CACNA1H: variants seen among roughly 807,000 people sequenced by gnomAD.
CACNA1H encodes voltage-dependent T-type calcium channel subunit alpha-1H.
CACNA1H carries 149 observed loss-of-function variants against 192.5 expected under a neutral mutation model. The ratio of observed to expected loss-of-function variants is 0.77; its 90% confidence interval spans 0.68 to 0.89. The LOEUF is 0.89. Among genes scored for constraint, CACNA1H ranks in the 40% least tolerant of loss-of-function variants. The pLI, the probability that CACNA1H is intolerant of heterozygous loss-of-function variation, is 0.00. For synonymous variants in CACNA1H, 2,202 were observed against 1,475.2 expected, an observed-to-expected ratio of 1.49 and a Z score of -11.29; for missense variants, 4,257 against 3,423.5, an observed-to-expected ratio of 1.24 and a Z score of -6.08.
intron 2 of CACNA1H, chr16:1,159,621 C>T (rs181484511): frequency 6.6e-6 from 1 of 152,358 alleles, no homozygotes; most frequent in East Asian, 1.9e-4. Flanking sequence ...CAACTGGCGT[C>T]ACAACTGCTC....
In CACNA1H at chr16:1,211,882, G is replaced by A. The variant is rs563493474; in HGVS notation, c.4567-64G>A. 4.7e-5 allele frequency: 75 copies of A among 1,610,286 alleles called. 1 individual carries two copies. In the South Asian group the frequency reaches 7.5e-4, roughly 16 times the overall value. The stretch of plus-strand genomic sequence containing the variant: ...TGCCTTGGCCTCTGGGGACTCGGGG[G>A]GCCATCCTGGGTAGGGCCCCTGGCG... On this transcript the variant is annotated intron_variant, in intron 24 of 34. Coordinates refer to ENST00000348261, the MANE Select transcript of CACNA1H (RefSeq NM_021098.3).
intron 12 of CACNA1H, 51 bp from the exon 13 acceptor site, chr16:1,206,950 C>T: frequency 1.9e-6 from 1 of 517,314 alleles, no homozygotes; most frequent in South Asian, 1.9e-5. Context: ...CCTTCTTCCG[C>T]TCAGCACACC....
At chr16:1,213,466 C>T (rs926582137) in intron 26 of CACNA1H, among the ~76,000 whole-genome samples, 54 of 152,118 alleles carry the variant, frequency 3.5e-4, no homozygotes, top group Admixed American at 2.3e-3. Flanking sequence ...GGCTGCCTGG[C>T]GCAACCGCGT....
At position 1,213,770 on chromosome 16, in the gene CACNA1H, C is replaced by G. The variant is rs746124764; in HGVS notation, c.4778-10C>G. ...CTCCTGCCCGGCGCTCATGGCCGCC[C>G]TCCCCGCAGAGGCCCAGCGCCGGCC... is the stretch of plus-strand genomic sequence containing the variant. On this transcript the variant is annotated splice_polypyrimidine_tract_variant and intron_variant, in intron 26 of 34. Transcript: ENST00000348261. 6.5e-7 allele frequency: 1 copy of G among 1,540,368 alleles called. No individual in the cohort carries two copies.
chr16:1,211,502 T>G lies in CACNA1H; in HGVS notation c.4372T>G (p.Tyr1458Asp). Residue 1458 changes from tyrosine (Y) to aspartate (D), a missense_variant, in exon 23 of 35, where the codon TAC (tyrosine) becomes GAC (aspartate). By Grantham distance (160) the Tyr-to-Asp change is radical (BLOSUM62 -3). Coordinates refer to ENST00000348261, the MANE Select transcript of CACNA1H (RefSeq NM_021098.3). ...TCAGCTCTTCAAAGGGAAGTTCTAC[T>G]ACTGCGAGGGCCCCGACACCAGGAA... ...GVQLFKGKFY[Y>D]CEGPDTRNIS... is the part of the protein sequence containing the mutation. 6.2e-7 allele frequency: 1 copy of G among 1,612,388 alleles called. No homozygotes were observed. Among genetic ancestry groups the G allele is most frequent in the East Asian group, 2.2e-5 (1 of 44,842 alleles).
intron 9 of CACNA1H, among the ~76,000 whole-genome samples, chr16:1,202,772 G>T (rs1011010492): frequency 5.3e-5 from 8 of 152,134 alleles, no homozygotes; most frequent in Admixed American, 4.6e-4. Context: ...CCCCGAGAGG[G>T]ACCGTATGCT....
At position 1,218,551 on chromosome 16, in the gene CACNA1H, C is replaced by T. The variant is rs747958775; in HGVS notation, c.5787C>T (p.Asn1929=). The T allele has an allele frequency of 2.4e-5, 38 of 1,561,430 alleles. No individual in the cohort carries two copies. The highest frequency in any genetic ancestry group is 3.1e-5 in the Non-Finnish European group (36 of 1,153,332). The change falls in exon 33 of 35, where the codon AAC becomes AAT. Residue 1929 remains asparagine (N), a synonymous_variant. Coordinates refer to ENST00000348261, the MANE Select transcript of CACNA1H (RefSeq NM_021098.3). ...VSVSRMLSLP[N]DSYMFRPVVP... ...TGTCCAGGATGCTCTCGCTGCCCAA[C>T]GACAGCTACATGTTCAGGCCCGTGG...
chr16:1,193,246 G>A (rs985307505), intron 2 of CACNA1H, among the ~76,000 whole-genome samples: 7 of 152,236 alleles, frequency 4.6e-5, no homozygotes, highest in African/African-American at 9.6e-5. Flanking sequence ...AGCCACCCCC[G>A]CAGAAAGGTG....
Position 1,219,056 on chromosome 16 carries a change from G to C in CACNA1H, c.5974G>C (p.Gly1992Arg), listed in dbSNP as rs558813483. The change falls in exon 34 of 35, where the codon GGC becomes CGC. Residue 1992 changes from glycine to arginine, a missense_variant. Physicochemically the swap from Gly to Arg is moderately radical, Grantham distance 125. Transcript: ENST00000348261. ...GGCTGTGTCGTCCCCAGCCAGGAGCGGCGAGCCCCTCCACGCCCTGTCCCC... is the reference window on the plus strand; with the variant it reads ...GGCTGTGTCGTCCCCAGCCAGGAGCCGCGAGCCCCTCCACGCCCTGTCCCC... ...PLAVSSPARS[G>R]EPLHALSPRG... The C allele has an allele frequency of 3.2e-6, 5 of 1,549,816 alleles. No individual in the cohort carries two copies. In the African/African-American group the frequency reaches 5.5e-5, roughly 17 times the overall value.
chr16:1,188,787 C>T (rs953379652), intron 2 of CACNA1H, among the ~76,000 whole-genome samples: 4 of 152,214 alleles, frequency 2.6e-5, no homozygotes, highest in Admixed American at 1.3e-4. Context: ...GCCGCTTCCT[C>T]GCCCCCTCCT....
intron 2 of CACNA1H, among the ~76,000 whole-genome samples, chr16:1,155,874 G>C (rs924595432): frequency 6.6e-6 from 1 of 152,176 alleles, no homozygotes; most frequent in Admixed American, 6.5e-5. Context: ...GCGGCATCAC[G>C]TGACCCAAGC....
intron 2 of CACNA1H, among the ~76,000 whole-genome samples, chr16:1,190,379 C>T (rs1966495375): frequency 6.6e-6 from 1 of 152,280 alleles, no homozygotes; most frequent in Non-Finnish European, 1.5e-5. Flanking sequence ...CCGGCAGACA[C>T]TGCCTGTCCT....
Position 1,195,422 on chromosome 16 carries a change from C to T in CACNA1H, c.412-10C>T, listed in dbSNP as rs922308053. ...TGTTCCACGGGCCCTCCTGATGCCT[C>T]CTCCCGCAGGCCTTTGACGCCTTCA... On this transcript the variant is annotated splice_polypyrimidine_tract_variant and intron_variant, in intron 3 of 34. Coordinates refer to ENST00000348261, the MANE Select transcript of CACNA1H (RefSeq NM_021098.3). 2.6e-6 allele frequency: 4 copies of T among 1,551,264 alleles called. No homozygotes were observed. The highest frequency in any genetic ancestry group is 2.7e-5 in the African/African-American group (2 of 73,126).
chr16:1,217,627 A>C (rs780243270), intron 31 of CACNA1H, among the ~76,000 whole-genome samples: 1 of 152,086 alleles, frequency 6.6e-6, no homozygotes, highest in Non-Finnish European at 1.5e-5. Flanking sequence ...GCGCCTACTC[A>C]TCCCCCGCCA....
At position 1,206,135 on chromosome 16, in the gene CACNA1H, G is replaced by T; in HGVS notation, c.2635G>T (p.Gly879Cys). 1 of 1,586,238 alleles carries T rather than the reference G, an allele frequency of 6.3e-7. No individual in the cohort carries two copies. Among genetic ancestry groups the T allele is most frequent in the East Asian group, 2.3e-5 (1 of 43,408 alleles). Residue 879 changes from glycine to cysteine, a missense_variant, in exon 12 of 35, where the codon GGC (glycine) becomes TGC (cysteine). Transcript: ENST00000348261. ...VWEIVGQADGGLSVLRTFRLL... is the reference protein window; with the variant it reads ...VWEIVGQADGCLSVLRTFRLL... ...GGAGATCGTGGGGCAGGCGGACGGT[G>T]GCTTGTCTGTGCTGCGCACCTTCCG...
intron 2 of CACNA1H, among the ~76,000 whole-genome samples, chr16:1,165,876 G>A (rs186779746): frequency 6.6e-6 from 1 of 152,226 alleles, no homozygotes; most frequent in African/African-American, 2.4e-5. Flanking sequence ...TGGGAGAGGG[G>A]TGGGTCCTCT....
chr16:1,218,518 G>T lies in CACNA1H; in HGVS notation c.5754G>T (p.Lys1918Asn). 6.4e-7 allele frequency: 1 copy of T among 1,554,372 alleles called. No individual in the cohort carries two copies. Among genetic ancestry groups the T allele is most frequent in the South Asian group, 1.2e-5 (1 of 84,274 alleles). The change falls in exon 33 of 35, where the codon AAG becomes AAT. Residue 1918 changes from lysine to asparagine, a missense_variant. Transcript: ENST00000348261. Reference protein sequence around the residue: ...ARDAPNLVARKVSVSRMLSLP... With the variant: ...ARDAPNLVARNVSVSRMLSLP... ...ACGCCCCAAACCTGGTTGCACGCAAGGTGTCCGTGTCCAGGATGCTCTCGC... is the reference window on the plus strand; with the variant it reads ...ACGCCCCAAACCTGGTTGCACGCAATGTGTCCGTGTCCAGGATGCTCTCGC...
intron 9 of CACNA1H, 102 bp from the exon 10 acceptor site, chr16:1,203,908 G>T (rs989297398): frequency 4.9e-6 from 4 of 810,506 alleles, no homozygotes; most frequent in Admixed American, 5.8e-5. Context: ...GATCTTTCTG[G>T]GGGGGACACA....
chr16:1,220,432 A>C lies in CACNA1H; in HGVS notation c.6500A>C (p.Glu2167Ala), dbSNP rs574490640. 2.6e-6 allele frequency: 4 copies of C among 1,534,498 alleles called. No homozygotes were observed. The highest frequency in any genetic ancestry group is 2.6e-6 in the Non-Finnish European group (3 of 1,149,598). ...SAELGSGEPG[E>A]AKAWGPEAEP... ...GAGCTGGGCAGCGGGGAGCCTGGGG[A>C]GGCGAAGGCCTGGGGCCCTGAGGCC... The change falls in exon 35 of 35, where the codon GAG becomes GCG. Residue 2167 changes from glutamate (E) to alanine (A), a missense_variant. Physicochemically the swap from Glu to Ala is moderately radical, Grantham distance 107. Coordinates refer to ENST00000348261, the MANE Select transcript of CACNA1H (RefSeq NM_021098.3).
Sources: allele counts gnomAD v4.1 joint callset (sites outside exome capture counted in the v4.1 genomes callset), GRCh38; gene constraint gnomAD v4.1.1; transcripts MANE v1.5; gene names NCBI Gene and HGNC (gene_info 2026-07-23, HGNC 2026-07-21).